ATP8A2: variants seen among roughly 807,000 people sequenced by gnomAD.
The protein encoded by ATP8A2 is ATPase phospholipid transporting 8A2, also known as phospholipid-transporting ATPase IB.
In ATP8A2, 100 loss-of-function variants were observed where a neutral mutation model predicts 165.6. The observed-to-expected ratio is 0.60, with a 90% CI of 0.51 to 0.71. The LOEUF (loss-of-function observed/expected upper bound fraction) is 0.71. Among genes scored for constraint, ATP8A2 ranks in the 30% least tolerant of loss-of-function variants. The pLI, the probability that ATP8A2 is intolerant of heterozygous loss-of-function variation, is 0.00. For missense variants in ATP8A2, 1,227 were observed against 1,479.5 expected, an observed-to-expected ratio of 0.83 and a Z score of 2.80; for synonymous variants, 543 against 548.8, an observed-to-expected ratio of 0.99 and a Z score of 0.15.
At chr13:25,740,559 A>G (rs943950134) in intron 25 of ATP8A2, among the ~76,000 whole-genome samples, 4 of 152,180 alleles carry the variant, frequency 2.6e-5, no homozygotes, top group Admixed American at 1.3e-4. Flanking sequence ...AGGAGGGAAA[A>G]TCAACAGAGT....
intron 25 of ATP8A2, among the ~76,000 whole-genome samples, chr13:25,702,881 G>C (rs1435660794): frequency 1.3e-5 from 2 of 152,044 alleles, no homozygotes; most frequent in African/African-American, 4.8e-5. Flanking sequence ...TAAGTTATCT[G>C]TCTCCTTTAT....
chr13:25,415,605 G>A (rs1313184576), intron 1 of ATP8A2, among the ~76,000 whole-genome samples: 2 of 152,172 alleles, frequency 1.3e-5, no homozygotes, highest in Non-Finnish European at 2.9e-5. Flanking sequence ...TCCAGCTCTT[G>A]AGCCCTAACT....
Position 25,688,288 on chromosome 13 carries a change from CTG to C in ATP8A2, c.2212-10881_2212-10880del, listed in dbSNP as rs558544478. 9.9e-5 allele frequency among the ~76,000 whole-genome samples: 15 copies of C among 152,180 alleles called. No individual in the cohort carries two copies. The South Asian group carries it at 3.1e-3, about 32-fold the overall frequency. On this transcript the variant is annotated intron_variant, in intron 24 of 36. Transcript: ENST00000381655. ...TCCATGACCTTCCCTCCTTGCCAGT[CTG>C]TGTAAAATAAAGAATGGTGAGGAGA... is the stretch of plus-strand genomic sequence containing the variant.
At chr13:25,735,999 A>G (rs921319767) in intron 25 of ATP8A2, among the ~76,000 whole-genome samples, 11 of 152,260 alleles carry the variant, frequency 7.2e-5, no homozygotes, top group African/African-American at 1.9e-4. Flanking sequence ...TATTTTTACC[A>G]TACGTTTTCT....
intron 33 of ATP8A2, among the ~76,000 whole-genome samples, chr13:25,872,037 G>A (rs980857994): frequency 2.0e-5 from 3 of 149,280 alleles, no homozygotes; most frequent in East Asian, 2.0e-4. Context: ...CCTGCCCTGC[G>A]TCCATTCCCC....
chr13:25,438,551 G>A (rs1164184550), intron 1 of ATP8A2, among the ~76,000 whole-genome samples: 5 of 152,076 alleles, frequency 3.3e-5, no homozygotes, highest in South Asian at 2.1e-4. Flanking sequence ...TGAGGTGGGC[G>A]GTTCACTTGA....
chr13:25,723,198 C>T (rs1309380322), intron 25 of ATP8A2, among the ~76,000 whole-genome samples: 1 of 152,198 alleles, frequency 6.6e-6, no homozygotes, highest in Admixed American at 6.5e-5. Context: ...AGTAGAATTG[C>T]TTAGTAGTGG....
At chr13:25,682,964 G>A (rs944963004) in intron 24 of ATP8A2, among the ~76,000 whole-genome samples, 1 of 152,102 alleles carries the variant, frequency 6.6e-6, no homozygotes, top group Non-Finnish European at 1.5e-5. Context: ...CATGCAATTA[G>A]GGAGAGATTC....
At chr13:25,636,818 T>G (rs915741684) in intron 24 of ATP8A2, among the ~76,000 whole-genome samples, 1 of 151,960 alleles carries the variant, frequency 6.6e-6, no homozygotes, top group Non-Finnish European at 1.5e-5. Context: ...TGTGGCTGGG[T>G]GTGGTACCTC....
At position 25,540,305 on chromosome 13, in the gene ATP8A2, T is replaced by C. The variant is rs1455009948; in HGVS notation, c.582-14T>C. 5 of 1,608,808 alleles carry C rather than the reference T, an allele frequency of 3.1e-6. No individual in the cohort carries two copies. In the African/African-American group the frequency reaches 4.0e-5, roughly 13 times the overall value. On this transcript the variant is annotated splice_polypyrimidine_tract_variant and intron_variant, in intron 7 of 36. Coordinates refer to ENST00000381655, the MANE Select transcript of ATP8A2 (RefSeq NM_016529.6). ...GACCTTATGAAACTTGGCTCTTTTT[T>C]TCTCTCTCCTTAGTGAACCTCAGGC...
chr13:25,476,874 A>G (rs762027763), intron 2 of ATP8A2, among the ~76,000 whole-genome samples: 5 of 152,220 alleles, frequency 3.3e-5, no homozygotes, highest in African/African-American at 4.8e-5. Flanking sequence ...ACCAGCAGCA[A>G]TTAATGCCAT....
At chr13:25,978,808 C>T (rs1380911651) in intron 35 of ATP8A2, among the ~76,000 whole-genome samples, 3 of 152,068 alleles carry the variant, frequency 2.0e-5, no homozygotes, top group Admixed American at 6.6e-5. Context: ...GGCTTGGTGG[C>T]GGGCGCCTGT....
intron 35 of ATP8A2, among the ~76,000 whole-genome samples, chr13:26,009,102 A>G (rs1956794748): frequency 6.6e-6 from 1 of 152,196 alleles, no homozygotes; most frequent in South Asian, 2.1e-4. Flanking sequence ...TGGCGAGTAT[A>G]AGGAATTTAT....
intron 25 of ATP8A2, among the ~76,000 whole-genome samples, chr13:25,712,105 T>TA (rs1346129125): frequency 6.6e-6 from 1 of 152,108 alleles, no homozygotes; most frequent in Non-Finnish European, 1.5e-5. Context: ...CACCATAGTG[T>TA]ACAGGGCTAT....
intron 30 of ATP8A2, 94 bp downstream of exon 30, chr13:25,839,718 A>G: frequency 2.0e-6 from 2 of 982,408 alleles, no homozygotes; most frequent in Non-Finnish European, 3.3e-6. Context: ...TCTGCAGAAC[A>G]AGAGATCACA....
At chr13:25,382,330 C>T (rs1446822858) in intron 1 of ATP8A2, among the ~76,000 whole-genome samples, 1 of 152,194 alleles carries the variant, frequency 6.6e-6, no homozygotes, top group Non-Finnish European at 1.5e-5. Flanking sequence ...TATCAATTCA[C>T]CTACTGAAGA....
At chr13:25,853,201 C>T (rs1372529681) in intron 30 of ATP8A2, among the ~76,000 whole-genome samples, 1 of 151,436 alleles carries the variant, frequency 6.6e-6, no homozygotes, top group Non-Finnish European at 1.5e-5. Flanking sequence ...CCAGCCTGGC[C>T]AATATGGTGA....
chr13:25,989,258 A>G (rs548274909), intron 35 of ATP8A2, among the ~76,000 whole-genome samples: 182 of 152,354 alleles, frequency 1.2e-3, no homozygotes, highest in South Asian at 2.5e-3. Flanking sequence ...TGTTAGGGAA[A>G]GAGGAGAGAC....
rs761146801 is a variant in ATP8A2, at chr13:25,862,340, C to T, written c.3115C>T (p.Leu1039=). ...LAVWGSMLTW[L]VFFGIYSTIW... The stretch of plus-strand genomic sequence containing the variant: ...TGTCTGGGGAAGCATGCTGACCTGG[C>T]TGGTGTTTTTTGGCATCTACTCGAC... Residue 1039 remains leucine (L), a synonymous_variant, in exon 33 of 37, where the codon CTG becomes TTG. Coordinates refer to ENST00000381655, the MANE Select transcript of ATP8A2 (RefSeq NM_016529.6). 6.2e-7 allele frequency: 1 copy of T among 1,614,164 alleles called. No individual in the cohort carries two copies. Among genetic ancestry groups the T allele is most frequent in the South Asian group, 1.1e-5 (1 of 91,086 alleles).
Sources: gnomAD v4.1 joint callset for allele counts (sites outside exome capture counted in the v4.1 genomes callset) on GRCh38, gnomAD v4.1.1 for gene constraint, MANE v1.5 for transcripts, NCBI Gene and HGNC (gene_info 2026-07-23, HGNC 2026-07-21) for gene names.